ALKBH8: variants seen among roughly 807,000 people sequenced by gnomAD.
The protein encoded by ALKBH8 is tRNA (carboxymethyluridine(34)-5-O)-methyltransferase ALKBH8.
A neutral mutation model predicts 59.8 loss-of-function variants in ALKBH8; 36 were observed. The ratio of observed to expected loss-of-function variants is 0.60; its 90% confidence interval spans 0.46 to 0.79. ALKBH8 has a LOEUF of 0.79. ALKBH8 is among the 30% of genes least tolerant of loss of function. The probability of loss-of-function intolerance (pLI) is 0.00; values close to 1 mark genes in which losing one functional copy is unlikely to be tolerated. For missense variants in ALKBH8, 768 were observed against 801.0 expected, an observed-to-expected ratio of 0.96 and a Z score of 0.50; for synonymous variants, 276 against 273.6, an observed-to-expected ratio of 1.01 and a Z score of -0.09.
intron 2 of ALKBH8, among the ~76,000 whole-genome samples, chr11:107,559,139 A>G (rs1961559): frequency 0.15 from 23,338 of 152,168 alleles, 1,960 homozygotes; most frequent in Middle Eastern, 0.25. Flanking sequence ...GCCTGCCGCC[A>G]TGTAAGCCAG....
At chr11:107,531,509 G>A (rs1394233345) in intron 8 of ALKBH8, among the ~76,000 whole-genome samples, 1 of 152,138 alleles carries the variant, frequency 6.6e-6, no homozygotes, top group African/African-American at 2.4e-5. Flanking sequence ...TCAAATAAAA[G>A]ACTAAACAGA....
In ALKBH8 at chr11:107,553,058, T is replaced by C. The variant is rs112227063; in HGVS notation, c.595+50A>G. On this transcript the variant is annotated intron_variant, in intron 5 of 11. Coordinates refer to ENST00000428149, the MANE Select transcript of ALKBH8 (RefSeq NM_138775.3). ...TCCCCCAACTATCATATTCTACTAA[T>C]ATATTAATATTTTTGAGCCAGAATT... 7.7e-5 allele frequency: 86 copies of C among 1,115,838 alleles called. No individual in the cohort carries two copies. The African/African-American group carries it at 9.8e-4, about 13-fold the overall frequency. 69.1% of individuals were successfully genotyped at this position (1,115,838 alleles called of 1,614,324 possible).
intron 7 of ALKBH8, among the ~76,000 whole-genome samples, chr11:107,536,845 A>T (rs1057313758): frequency 6.6e-6 from 1 of 152,232 alleles, no homozygotes; most frequent in Non-Finnish European, 1.5e-5. Flanking sequence ...TCAGATAAAG[A>T]GTTCGAGGAA....
In ALKBH8 at chr11:107,549,843, A is replaced by G; in HGVS notation, c.701-20T>C. 2.7e-6 allele frequency: 4 copies of G among 1,501,626 alleles called. No individual in the cohort carries two copies. The South Asian group carries it at 4.9e-5, about 18-fold the overall frequency. 93.0% of individuals were successfully genotyped at this position (1,501,626 alleles called of 1,614,324 possible). A position where few individuals can be genotyped will look rare whatever the true frequency, so the allele number is the denominator to read the frequency against. On this transcript the variant is annotated intron_variant, in intron 6 of 11. Transcript: ENST00000428149. ...GAATTCCTGAGATGGAAAACAGGAC[A>G]ACACGTCACTTCATTTTTTCCTTTA... is the stretch of plus-strand genomic sequence containing the variant.
At chr11:107,541,152 C>A (rs536915) in intron 7 of ALKBH8, among the ~76,000 whole-genome samples, 114,657 of 152,090 alleles carry the variant, frequency 0.75, 44,374 homozygotes, top group South Asian at 0.85. Context: ...CTACCACAGT[C>A]TCTAGCACAG....
At position 107,525,440 on chromosome 11, in the gene ALKBH8, C is replaced by A. The variant is rs1863310137; in HGVS notation, c.1030+1G>T. ...CAGACGAGATAAGAGTATATACTTACTACAGTTACAAGGTGTTTGCCTCAC... is the reference window on the plus strand; with the variant it reads ...CAGACGAGATAAGAGTATATACTTAATACAGTTACAAGGTGTTTGCCTCAC... On this transcript the variant is annotated splice_donor_variant, in intron 9 of 11. Transcript: ENST00000428149. LOFTEE classifies it high-confidence loss of function. 6.5e-7 allele frequency: 1 copy of A among 1,543,668 alleles called. No individual in the cohort carries two copies. Among genetic ancestry groups the A allele is most frequent in the Admixed American group, 2.0e-5 (1 of 49,490 alleles).
chr11:107,532,195 C>G, intron 8 of ALKBH8, 105 bp downstream of exon 8: 2 of 864,634 alleles, frequency 2.3e-6, no homozygotes, highest in Non-Finnish European at 3.5e-6. Context: ...GTTCTGAACC[C>G]AGAAGCCTCA....
At chr11:107,521,429 G>A (rs1187247163) in intron 10 of ALKBH8, among the ~76,000 whole-genome samples, 1 of 151,898 alleles carries the variant, frequency 6.6e-6, no homozygotes, top group Non-Finnish European at 1.5e-5. Flanking sequence ...TCATGTAGGT[G>A]CACAATATCT....
intron 6 of ALKBH8, 69 bp from the exon 7 acceptor site, chr11:107,549,892 G>T: frequency 5.4e-6 from 6 of 1,104,334 alleles, no homozygotes. Context: ...GGCTATAAAT[G>T]TAGCCTTATG....
chr11:107,550,839 T>C (rs1184809731), intron 6 of ALKBH8, among the ~76,000 whole-genome samples: 5 of 152,128 alleles, frequency 3.3e-5, no homozygotes, highest in African/African-American at 4.8e-5. Context: ...TGTGAGGACA[T>C]TGAGAGAAGG....
chr11:107,560,623 G>T, intron 2 of ALKBH8, 142 bp downstream of exon 2: 1 of 740,996 alleles, frequency 1.3e-6, no homozygotes, highest in Non-Finnish European at 2.0e-6. Context: ...AAAGTTAGCA[G>T]TTCATATCAT....
At chr11:107,531,380 T>A (rs1863585929) in intron 8 of ALKBH8, among the ~76,000 whole-genome samples, 1 of 152,190 alleles carries the variant, frequency 6.6e-6, no homozygotes, top group South Asian at 2.1e-4. Context: ...AAGCACATAC[T>A]AATTTCTTTA....
intron 10 of ALKBH8, among the ~76,000 whole-genome samples, chr11:107,516,769 AAC>A (rs1431519486): frequency 6.6e-6 from 1 of 152,234 alleles, no homozygotes; most frequent in Admixed American, 6.5e-5. Context: ...CTGTAATCCC[AAC>A]ACTTTGGGAG....
At chr11:107,559,036 C>T (rs565395656) in intron 2 of ALKBH8, among the ~76,000 whole-genome samples, 4 of 152,294 alleles carry the variant, frequency 2.6e-5, no homozygotes, top group Admixed American at 1.3e-4. Flanking sequence ...GGGGCCATTT[C>T]CCCTATAATG....
At chr11:107,554,467 T>C (rs554353124) in intron 3 of ALKBH8, among the ~76,000 whole-genome samples, 1 of 152,338 alleles carries the variant, frequency 6.6e-6, no homozygotes, top group East Asian at 1.9e-4. Context: ...ATTTAGCAGA[T>C]GTTAAAATAA....
At chr11:107,526,095 T>C (rs1863341433) in intron 8 of ALKBH8, among the ~76,000 whole-genome samples, 1 of 152,040 alleles carries the variant, frequency 6.6e-6, no homozygotes, top group South Asian at 2.1e-4. Flanking sequence ...GGATATATAG[T>C]TTTATTCCTC....
rs116682733 is a variant in ALKBH8, at chr11:107,558,351, A to G, written c.130-1348T>C. ...TAATAAACAAGCCCACTAATACAAT[A>G]CTATATGATATGGAGTAAAATGGAG... On this transcript the variant is annotated intron_variant, in intron 2 of 11. Coordinates refer to ENST00000428149, the MANE Select transcript of ALKBH8 (RefSeq NM_138775.3). Among the ~76,000 whole-genome samples the G allele has an allele frequency of 6.5e-3, 987 of 152,360 alleles. 9 individuals carry two copies. The highest frequency in any genetic ancestry group is 0.022 in the African/African-American group (901 of 41,584).
At chr11:107,529,239 A>T (rs1489457247) in intron 8 of ALKBH8, among the ~76,000 whole-genome samples, 1 of 152,204 alleles carries the variant, frequency 6.6e-6, no homozygotes. Flanking sequence ...ATGATTGTGT[A>T]AATTAAATGA....
At chr11:107,560,428 A>G (rs1371175746) in intron 2 of ALKBH8, among the ~76,000 whole-genome samples, 1 of 152,146 alleles carries the variant, frequency 6.6e-6, no homozygotes, top group Non-Finnish European at 1.5e-5. Context: ...ATAACCTCTC[A>G]GAACTTTAGT....
Sources: allele counts gnomAD v4.1 joint callset (sites outside exome capture counted in the v4.1 genomes callset), GRCh38; gene constraint gnomAD v4.1.1; transcripts MANE v1.5; gene names NCBI Gene and HGNC (gene_info 2026-07-23, HGNC 2026-07-21).